ME1: variants seen among roughly 807,000 people sequenced by gnomAD.
ME1 encodes the protein NADP-dependent malic enzyme.
In ME1, 74 loss-of-function variants were observed where a neutral mutation model predicts 66.4. That is an observed-to-expected ratio of 1.11 (90% CI 0.92 to 1.35). ME1 has a LOEUF of 1.35. Among genes scored for constraint, ME1 ranks in the 40% most tolerant of loss-of-function variants. The pLI is 0.00. For missense variants in ME1, 750 were observed against 694.1 expected (o/e 1.08, Z -0.90); for synonymous variants, 251 against 235.6 (o/e 1.07, Z -0.60).
intron 6 of ME1, among the ~76,000 whole-genome samples, chr6:83,311,095 T>G (rs1240082286): frequency 6.6e-6 from 1 of 152,086 alleles, no homozygotes; most frequent in Non-Finnish European, 1.5e-5. Flanking sequence ...TTCACCCCCA[T>G]AAGTTAACAT....
At chr6:83,305,341 T>C (rs1329536562) in intron 6 of ME1, among the ~76,000 whole-genome samples, 3 of 152,060 alleles carry the variant, frequency 2.0e-5, no homozygotes, top group Non-Finnish European at 4.4e-5. Context: ...ATAAGTGGTA[T>C]TTTAAAAAAG....
chr6:83,270,256 T>TTA (rs1280797416), intron 6 of ME1, among the ~76,000 whole-genome samples: 1 of 152,140 alleles, frequency 6.6e-6, no homozygotes, highest in Non-Finnish European at 1.5e-5. Flanking sequence ...ATATCTGCTT[T>TTA]TACATTCTAT....
chr6:83,216,043 C>T (rs79067362), intron 13 of ME1, among the ~76,000 whole-genome samples: 10 of 152,146 alleles, frequency 6.6e-5, no homozygotes, highest in East Asian at 1.9e-4. Context: ...TTTTGCCTTC[C>T]GCCCAGTATT....
chr6:83,412,163 C>T (rs13203553), intron 1 of ME1, among the ~76,000 whole-genome samples: 38,930 of 151,968 alleles, frequency 0.26, 5,585 homozygotes, highest in Middle Eastern at 0.45. Flanking sequence ...TTCTGTATTC[C>T]GCACTAACAA....
intron 3 of ME1, among the ~76,000 whole-genome samples, chr6:83,377,899 G>A (rs1769323478): frequency 6.6e-6 from 1 of 152,020 alleles, no homozygotes; most frequent in South Asian, 2.1e-4. Flanking sequence ...AAAGGTTTGA[G>A]GCAATAATTA....
intron 7 of ME1, among the ~76,000 whole-genome samples, chr6:83,245,851 A>AT (rs1790609341): frequency 5.9e-5 from 9 of 151,664 alleles, no homozygotes; most frequent in Non-Finnish European, 1.0e-4. Context: ...AGATAGTCTA[A>AT]ATTTTTTTTG....
intron 3 of ME1, among the ~76,000 whole-genome samples, chr6:83,365,167 A>T (rs1237845946): frequency 6.6e-6 from 1 of 152,148 alleles, no homozygotes; most frequent in Non-Finnish European, 1.5e-5. Context: ...ATGTTGGCTC[A>T]CTGCAACCTC....
chr6:83,246,933 T>C (rs1046296750), intron 7 of ME1, among the ~76,000 whole-genome samples: 15 of 152,158 alleles, frequency 9.9e-5, no homozygotes, highest in South Asian at 6.2e-4. Context: ...TGCTGTTTAA[T>C]AAATTTTTAA....
intron 6 of ME1, among the ~76,000 whole-genome samples, chr6:83,298,931 GTTTTTTTT>G (rs61055748): frequency 4.0e-4 from 9 of 22,496 alleles, no homozygotes; most frequent in African/African-American, 7.5e-4. Flanking sequence ...CTATGTGTCT[GTTTTTTTT>G]TTTTTTTTTT....
chr6:83,421,848 CTAAGG>C (rs1770274899), intron 1 of ME1, among the ~76,000 whole-genome samples: 1 of 152,170 alleles, frequency 6.6e-6, no homozygotes, highest in South Asian at 2.1e-4. Context: ...GCCTAAAATT[CTAAGG>C]TAAGGGAATC....
intron 11 of ME1, among the ~76,000 whole-genome samples, chr6:83,226,353 A>AT (rs1343410109): frequency 6.6e-6 from 1 of 152,192 alleles, no homozygotes; most frequent in Non-Finnish European, 1.5e-5. Flanking sequence ...AGACAAAATA[A>AT]TTAATTAAAC....
At chr6:83,380,838 T>C (rs934815577) in intron 3 of ME1, among the ~76,000 whole-genome samples, 1 of 152,000 alleles carries the variant, frequency 6.6e-6, no homozygotes, top group Non-Finnish European at 1.5e-5. Flanking sequence ...TAAGAGAATA[T>C]ATAGAATAAA....
chr6:83,341,059 T>C (rs1768571762), intron 5 of ME1, among the ~76,000 whole-genome samples: 1 of 151,926 alleles, frequency 6.6e-6, no homozygotes, highest in Admixed American at 6.6e-5. Flanking sequence ...AGACTAACCA[T>C]GTGATCTGGG....
intron 7 of ME1, among the ~76,000 whole-genome samples, chr6:83,241,700 G>A (rs1038567341): frequency 6.6e-6 from 1 of 152,054 alleles, no homozygotes; most frequent in South Asian, 2.1e-4. Flanking sequence ...TTTCATTGCA[G>A]AGAAGGGAAT....
At chr6:83,291,310 G>T (rs1308303667) in intron 6 of ME1, among the ~76,000 whole-genome samples, 1 of 152,142 alleles carries the variant, frequency 6.6e-6, no homozygotes, top group Non-Finnish European at 1.5e-5. Flanking sequence ...TGTAAGGCAG[G>T]CCTGGTGGTG....
chr6:83,254,613 T>C (rs1790773849), intron 6 of ME1, among the ~76,000 whole-genome samples: 1 of 152,194 alleles, frequency 6.6e-6, no homozygotes, highest in Admixed American at 6.5e-5. Flanking sequence ...AGAACATTAT[T>C]AACCTTCTCA....
intron 5 of ME1, among the ~76,000 whole-genome samples, chr6:83,331,604 A>G (rs1768412731): frequency 6.6e-6 from 1 of 151,688 alleles, no homozygotes; most frequent in South Asian, 2.1e-4. Context: ...AAAAAAAAGA[A>G]GAGGAAATTA....
chr6:83,359,239 C>A (rs1289923339), intron 3 of ME1, among the ~76,000 whole-genome samples: 2 of 152,186 alleles, frequency 1.3e-5, no homozygotes, highest in East Asian at 3.9e-4. Context: ...TGTTGATTCT[C>A]CTCAGGAGCC....
intron 6 of ME1, among the ~76,000 whole-genome samples, chr6:83,284,791 A>G (rs560877419): frequency 1.3e-5 from 2 of 152,350 alleles, no homozygotes; most frequent in African/African-American, 2.4e-5. Context: ...ATCAGGAACA[A>G]GACAATGATG....
Sources: gnomAD v4.1 joint callset for allele counts (sites outside exome capture counted in the v4.1 genomes callset) on GRCh38, gnomAD v4.1.1 for gene constraint, MANE v1.5 for transcripts, NCBI Gene and HGNC (gene_info 2026-07-23, HGNC 2026-07-21) for gene names.